Variants in IMMP2L observed in about 807,000 individuals in gnomAD.
IMMP2L encodes the protein mitochondrial inner membrane protease subunit 2.
Under a neutral mutation model 19.3 loss-of-function variants are expected in IMMP2L, and 18 were observed. The observed-to-expected ratio is 0.93, with a 90% CI of 0.64 to 1.38. The LOEUF (loss-of-function observed/expected upper bound fraction) is 1.38. Among genes scored for constraint, IMMP2L ranks in the 40% most tolerant of loss-of-function variants. The pLI is 0.00. For missense variants in IMMP2L, 233 were observed against 218.2 expected, an observed-to-expected ratio of 1.07 and a Z score of -0.43; for synonymous variants, 76 against 73.0, an observed-to-expected ratio of 1.04 and a Z score of -0.21.
chr7:110,672,702 A>G (rs148369048), intron 5 of IMMP2L, among the ~76,000 whole-genome samples: 1 of 152,314 alleles, frequency 6.6e-6, no homozygotes, highest in Non-Finnish European at 1.5e-5. Flanking sequence ...GCCCCATGCA[A>G]GTCTGAAATC....
chr7:111,556,039 T>TATATATATATATATATATAC (rs1192398339), intron 1 of IMMP2L, among the ~76,000 whole-genome samples: 1 of 139,594 alleles, frequency 7.2e-6, no homozygotes, highest in Non-Finnish European at 1.6e-5. Context: ...TATATATACA[T>TATATATATATATATATATAC]ACCCAAAGAA....
At chr7:110,903,767 CTG>C (rs986450428) in intron 4 of IMMP2L, among the ~76,000 whole-genome samples, 1 of 150,670 alleles carries the variant, frequency 6.6e-6, no homozygotes, top group African/African-American at 2.5e-5. Flanking sequence ...TATAGTAGCT[CTG>C]TTTTCACTTT....
At chr7:110,900,334 C>G (rs988058839) in intron 4 of IMMP2L, among the ~76,000 whole-genome samples, 1 of 152,092 alleles carries the variant, frequency 6.6e-6, no homozygotes, top group African/African-American at 2.4e-5. Context: ...TAAAGCCAGA[C>G]AGAAAACCAT....
chr7:111,111,472 C>T (rs1178076382), intron 3 of IMMP2L, among the ~76,000 whole-genome samples: 2 of 150,586 alleles, frequency 1.3e-5, no homozygotes, highest in Non-Finnish European at 3.0e-5. Context: ...CCTCTCTATT[C>T]AACACATAAG....
intron 3 of IMMP2L, among the ~76,000 whole-genome samples, chr7:110,983,561 C>T (rs1297234703): frequency 6.6e-6 from 1 of 152,024 alleles, no homozygotes; most frequent in African/African-American, 2.4e-5. Context: ...TATATCATTG[C>T]AATCACTCTT....
intron 2 of IMMP2L, among the ~76,000 whole-genome samples, chr7:111,512,104 C>T (rs757368958): frequency 3.9e-5 from 6 of 152,090 alleles, no homozygotes; most frequent in Non-Finnish European, 5.9e-5. Context: ...GCATTACTCA[C>T]GATAATGAAA....
intron 3 of IMMP2L, among the ~76,000 whole-genome samples, chr7:111,192,523 T>A (rs1461628459): frequency 1.3e-5 from 2 of 152,172 alleles, no homozygotes; most frequent in African/African-American, 4.8e-5. Flanking sequence ...AAATACTTAA[T>A]CTTAATAAAA....
At chr7:111,368,205 A>G (rs1234400714) in intron 3 of IMMP2L, among the ~76,000 whole-genome samples, 2 of 151,926 alleles carry the variant, frequency 1.3e-5, no homozygotes, top group African/African-American at 4.8e-5. Context: ...ATGTCATTTT[A>G]CGGCAGCCCA....
rs528293081 is a variant in IMMP2L, at chr7:111,542,720, G to C, written c.-3+19131C>G. 3.3e-5 allele frequency among the ~76,000 whole-genome samples: 5 copies of C among 152,162 alleles called. No individual in the cohort carries two copies. The East Asian group carries it at 5.8e-4, about 18-fold the overall frequency. On this transcript the variant is annotated intron_variant, in intron 1 of 5. Coordinates refer to ENST00000405709, the MANE Select transcript of IMMP2L (RefSeq NM_032549.4). ...AATTAATTCAATCCACTATGTAAAA[G>C]GTAAATGTTCAAGTCTCATTCAAAT...
intron 5 of IMMP2L, among the ~76,000 whole-genome samples, chr7:110,874,873 A>C (rs1380335682): frequency 6.6e-6 from 1 of 152,094 alleles, no homozygotes; most frequent in Admixed American, 6.6e-5. Flanking sequence ...TTCTGATTTC[A>C]AGATGGCACC....
At chr7:110,958,380 G>C (rs1818584212) in intron 4 of IMMP2L, among the ~76,000 whole-genome samples, 1 of 151,980 alleles carries the variant, frequency 6.6e-6, no homozygotes, top group African/African-American at 2.4e-5. Context: ...ATGTGTGCAA[G>C]GATGTTCATT....
intron 3 of IMMP2L, among the ~76,000 whole-genome samples, chr7:111,366,558 GAC>G (rs1264997127): frequency 6.6e-6 from 1 of 151,824 alleles, no homozygotes; most frequent in Non-Finnish European, 1.5e-5. Flanking sequence ...TAGGTACACT[GAC>G]AAAATTCAAA....
intron 3 of IMMP2L, among the ~76,000 whole-genome samples, chr7:111,365,587 A>G (rs1829690422): frequency 6.6e-6 from 1 of 152,112 alleles, no homozygotes; most frequent in Non-Finnish European, 1.5e-5. Context: ...TCAATACATA[A>G]CCAAAGCTGA....
intron 3 of IMMP2L, among the ~76,000 whole-genome samples, chr7:111,011,651 AG>A (rs1398551135): frequency 6.6e-6 from 1 of 152,182 alleles, no homozygotes; most frequent in Admixed American, 6.5e-5. Context: ...CTACTGGGCA[AG>A]GAACGAATTC....
At chr7:110,859,328 T>C (rs2129542540) in intron 5 of IMMP2L, among the ~76,000 whole-genome samples, 1 of 152,168 alleles carries the variant, frequency 6.6e-6, no homozygotes, top group East Asian at 1.9e-4. Context: ...TCTTTGGCCA[T>C]ATCAGAAAAC....
At chr7:110,768,860 C>T (rs1221759444) in intron 5 of IMMP2L, among the ~76,000 whole-genome samples, 2 of 152,146 alleles carry the variant, frequency 1.3e-5, no homozygotes, top group Non-Finnish European at 2.9e-5. Flanking sequence ...TTCCTGTTTA[C>T]CCAGCACTAG....
intron 3 of IMMP2L, among the ~76,000 whole-genome samples, chr7:111,049,969 A>G (rs1279188638): frequency 6.6e-6 from 1 of 152,220 alleles, no homozygotes; most frequent in Admixed American, 6.5e-5. Context: ...GATCTTTACC[A>G]AAGAAATCTA....
chr7:111,138,435 A>T (rs1802553818), intron 3 of IMMP2L, among the ~76,000 whole-genome samples: 1 of 152,214 alleles, frequency 6.6e-6, no homozygotes, highest in Admixed American at 6.5e-5. Context: ...AGGGGCCATA[A>T]GATCAAAGTA....
intron 3 of IMMP2L, among the ~76,000 whole-genome samples, chr7:111,076,810 AG>A (rs1795454389): frequency 6.6e-6 from 1 of 152,228 alleles, no homozygotes. Flanking sequence ...TAAAGCCACA[AG>A]GGTACGTCAG....
Sources: gnomAD v4.1 joint callset for allele counts (sites outside exome capture counted in the v4.1 genomes callset) on GRCh38, gnomAD v4.1.1 for gene constraint, MANE v1.5 for transcripts, NCBI Gene and HGNC (gene_info 2026-07-23, HGNC 2026-07-21) for gene names.